The following PCCA variants were observed in gnomAD, a reference collection of about 807,000 sequenced individuals.
PCCA encodes the protein propionyl-CoA carboxylase subunit alpha, also known as propionyl-CoA carboxylase alpha chain, mitochondrial.
Under a neutral mutation model 101.3 loss-of-function variants are expected in PCCA, and 74 were observed. The ratio of observed to expected loss-of-function variants is 0.73; its 90% CI spans 0.61 to 0.89. The LOEUF (loss-of-function observed/expected upper bound fraction) is 0.89, where lower values mean the gene tolerates loss of function less well. Among genes scored for constraint, PCCA ranks in the 40% least tolerant of loss-of-function variants. The probability of loss-of-function intolerance (pLI) is 0.00; values close to 1 mark genes in which losing one functional copy is unlikely to be tolerated. For synonymous variants in PCCA, 294 were observed against 313.6 expected, an observed-to-expected ratio of 0.94 and a Z score of 0.66; for missense variants, 891 against 907.0, an observed-to-expected ratio of 0.98 and a Z score of 0.23.
At chr13:100,320,756 T>G (rs904545966) in intron 16 of PCCA, among the ~76,000 whole-genome samples, 1 of 152,168 alleles carries the variant, frequency 6.6e-6, no homozygotes, top group African/African-American at 2.4e-5. Flanking sequence ...TTTGCATCGA[T>G]GTTCATGAGG....
intron 19 of PCCA, among the ~76,000 whole-genome samples, chr13:100,378,908 T>G (rs1213686499): frequency 6.6e-6 from 1 of 152,158 alleles, no homozygotes; most frequent in Non-Finnish European, 1.5e-5. Flanking sequence ...TTTTTAGTTA[T>G]TTTTCTGGAA....
At chr13:100,501,001 G>A (rs2085623643) in intron 21 of PCCA, among the ~76,000 whole-genome samples, 1 of 152,102 alleles carries the variant, frequency 6.6e-6, no homozygotes, top group African/African-American at 2.4e-5. Flanking sequence ...AATTAGCCGG[G>A]TGTGGTGGTG....
At chr13:100,100,625 C>G (rs565733315) in intron 1 of PCCA, among the ~76,000 whole-genome samples, 1 of 152,192 alleles carries the variant, frequency 6.6e-6, no homozygotes, top group South Asian at 2.1e-4. Flanking sequence ...GAGTGTTGAC[C>G]TGATTCTTCA....
chr13:100,498,731 G>T (rs2085455700), intron 21 of PCCA, among the ~76,000 whole-genome samples: 1 of 152,042 alleles, frequency 6.6e-6, no homozygotes, highest in African/African-American at 2.4e-5. Flanking sequence ...ACACTTCTGA[G>T]GTTCATCCAC....
intron 4 of PCCA, among the ~76,000 whole-genome samples, chr13:100,120,845 C>G (rs2049300993): frequency 6.6e-6 from 1 of 151,954 alleles, no homozygotes; most frequent in South Asian, 2.1e-4. Flanking sequence ...AGAATGTAAC[C>G]AGCTGGGATT....
In PCCA at chr13:100,431,955, C is replaced by T. The variant is rs557717451; in HGVS notation, c.1845+6224C>T. On this transcript the variant is annotated intron_variant, in intron 20 of 23. Transcript: ENST00000376285. ...CTGTAATCCCAGCACTTTGGGAGGC[C>T]GAGGCGGGTGGATCACCTGAGGTAA... 2.4e-4 allele frequency among the ~76,000 whole-genome samples: 36 copies of T among 151,992 alleles called. 1 individual carries two copies. In the East Asian group the frequency reaches 7.0e-3, roughly 29 times the overall value.
Position 100,235,704 on chromosome 13 carries a change from G to A in PCCA, c.601-138G>A, listed in dbSNP as rs2060756628. 4.8e-6 allele frequency: 3 copies of A among 630,212 alleles called. No homozygotes were observed. The East Asian group carries it at 8.3e-5, about 17-fold the overall frequency. The allele number at this position is 630,212 out of a possible 1,614,324, so 39.0% of individuals were successfully genotyped here. Reference sequence around the variant, plus strand: ...TATGGTATTAATTTTACATTTCTCTGAATGAAAAGGGTTAGAAGGTAGTAA... The same window carrying A: ...TATGGTATTAATTTTACATTTCTCTAAATGAAAAGGGTTAGAAGGTAGTAA... On this transcript the variant is annotated intron_variant, in intron 7 of 23. Transcript: ENST00000376285.
chr13:100,194,066 G>A lies in PCCA; in HGVS notation c.469-15266G>A, dbSNP rs146356658. ...AGCCTGGGTGACAGAGCAAGCCTCC[G>A]TCTCAAAAAAAAAAAAAGAAATCAT... is the stretch of plus-strand genomic sequence containing the variant. On this transcript the variant is annotated intron_variant, in intron 6 of 23. Transcript: ENST00000376285. Among the ~76,000 whole-genome samples, 300 of 148,928 alleles carry A rather than the reference G, an allele frequency of 2.0e-3. 1 individual carries two copies. Among genetic ancestry groups the A allele is most frequent in the African/African-American group, 7.1e-3 (284 of 40,208 alleles).
At chr13:100,445,988 C>T (rs534150746) in intron 20 of PCCA, among the ~76,000 whole-genome samples, 11 of 152,112 alleles carry the variant, frequency 7.2e-5, no homozygotes, top group Non-Finnish European at 1.3e-4. Context: ...GAGAAACCTC[C>T]GTACTGTTTT....
intron 7 of PCCA, among the ~76,000 whole-genome samples, chr13:100,235,422 A>G (rs891573139): frequency 3.9e-5 from 6 of 152,296 alleles, no homozygotes; most frequent in East Asian, 3.9e-4. Flanking sequence ...CTCCCAAACA[A>G]TAGAGAATCA....
chr13:100,207,494 C>T (rs1042302706), intron 6 of PCCA, among the ~76,000 whole-genome samples: 2 of 152,052 alleles, frequency 1.3e-5, no homozygotes, highest in African/African-American at 4.8e-5. Flanking sequence ...AGTTCTCCCA[C>T]CTCAGCCTCC....
intron 20 of PCCA, among the ~76,000 whole-genome samples, chr13:100,441,510 G>C (rs1375231731): frequency 6.6e-6 from 1 of 152,156 alleles, no homozygotes; most frequent in African/African-American, 2.4e-5. Context: ...TGCTAATTTT[G>C]TATGAATTTG....
intron 21 of PCCA, among the ~76,000 whole-genome samples, chr13:100,499,623 T>G (rs1005063206): frequency 1.3e-5 from 2 of 152,226 alleles, no homozygotes; most frequent in African/African-American, 4.8e-5. Flanking sequence ...AAAGAGTGTT[T>G]GTTTACAGAG....
chr13:100,394,486 A>T lies in PCCA; in HGVS notation c.1746+25912A>T, dbSNP rs2076955940. Among the ~76,000 whole-genome samples, 1 of 152,198 alleles carries T rather than the reference A, an allele frequency of 6.6e-6. No individual in the cohort carries two copies. Among genetic ancestry groups the T allele is most frequent in the Admixed American group, 6.5e-5 (1 of 15,286 alleles). ...AGCTGTGTGTTTGCAGATTTTGCTT[A>T]TGAGAGGCATGAACTGAAAATAGGC... is the stretch of plus-strand genomic sequence containing the variant. On this transcript the variant is annotated intron_variant, in intron 19 of 23. Transcript: ENST00000376285. This position sits in a 1 kb window ranked among gnomAD's most constrained non-coding sequence, Gnocchi z 4.3.
At chr13:100,446,512 T>A (rs969973334) in intron 20 of PCCA, among the ~76,000 whole-genome samples, 2 of 152,240 alleles carry the variant, frequency 1.3e-5, no homozygotes, top group Admixed American at 6.5e-5. Flanking sequence ...TGTCTTTTCC[T>A]TAGTCTCTTG....
At chr13:100,364,514 T>A (rs1003404103) in intron 18 of PCCA, among the ~76,000 whole-genome samples, 1 of 152,252 alleles carries the variant, frequency 6.6e-6, no homozygotes, top group Non-Finnish European at 1.5e-5. Context: ...TTATTTCTAT[T>A]GCAGAGCATA....
intron 19 of PCCA, among the ~76,000 whole-genome samples, chr13:100,379,803 A>G (rs554785168): frequency 1.9e-4 from 29 of 152,232 alleles, no homozygotes; most frequent in East Asian, 1.4e-3. Flanking sequence ...CCGTGATTCA[A>G]TTTCCTCCCA....
rs1039960789 is a variant in PCCA at position 100,105,979 on chromosome 13, G to A, written c.183+3019G>A. On this transcript the variant is annotated intron_variant, in intron 2 of 23. Transcript: ENST00000376285. ...TGCTTTAGGGAAATTCTGTGCCTTT[G>A]TACTATTAGAATGTAATAATGTAGT... Among the ~76,000 whole-genome samples, 3 of 150,436 alleles carry A rather than the reference G, an allele frequency of 2.0e-5. No homozygotes were observed. In the Admixed American group the frequency reaches 2.0e-4, roughly 10 times the overall value.
intron 8 of PCCA, among the ~76,000 whole-genome samples, chr13:100,247,303 C>G (rs754079170): frequency 6.7e-6 from 1 of 150,286 alleles, no homozygotes; most frequent in African/African-American, 2.5e-5. Context: ...CTGCAAGCTC[C>G]CCTCCCAGGT....
Sources: gnomAD v4.1 joint callset for allele counts (sites outside exome capture counted in the v4.1 genomes callset) on GRCh38, gnomAD v4.1.1 for gene constraint, Gnocchi (gnomAD v3.1) non-coding constraint, MANE v1.5 for transcripts, NCBI Gene and HGNC (gene_info 2026-07-23, HGNC 2026-07-21) for gene names.